COL13A1: variants seen among roughly 807,000 people sequenced by gnomAD.
COL13A1 encodes collagen alpha-1(XIII) chain.
COL13A1 carries 89 observed loss-of-function variants against 130.9 expected under a neutral mutation model. That is an observed-to-expected ratio of 0.68 (90% CI 0.57 to 0.81). The LOEUF is 0.81. Ranked by LOEUF, COL13A1 falls within the 30% of genes least tolerant of loss-of-function variation. The probability of loss-of-function intolerance (pLI) is 0.00; values close to 1 mark genes in which losing one functional copy is unlikely to be tolerated. For missense variants in COL13A1, 879 were observed against 934.6 expected (o/e 0.94, Z 0.78); for synonymous variants, 402 against 341.6 (o/e 1.18, Z -1.95).
chr10:69,840,833 G>C (rs948840523), intron 2 of COL13A1, among the ~76,000 whole-genome samples: 81 of 152,240 alleles, frequency 5.3e-4, no homozygotes, highest in Non-Finnish European at 5.9e-5. Flanking sequence ...TGAGGCTTCT[G>C]CTGGCAACAG....
intron 2 of COL13A1, among the ~76,000 whole-genome samples, chr10:69,856,109 T>C (rs1267285359): frequency 6.6e-6 from 1 of 152,226 alleles, no homozygotes; most frequent in African/African-American, 2.4e-5. Context: ...CAAATGTAGC[T>C]CTTTCACAGG....
chr10:69,951,818 G>A (rs2136311045), intron 38 of COL13A1, among the ~76,000 whole-genome samples: 1 of 152,310 alleles, frequency 6.6e-6, no homozygotes, highest in Middle Eastern at 3.4e-3. Context: ...AGCATTCAGT[G>A]TCACCCTGGA....
chr10:69,855,542 C>T (rs533806273), intron 2 of COL13A1, among the ~76,000 whole-genome samples: 3 of 152,220 alleles, frequency 2.0e-5, no homozygotes, highest in African/African-American at 7.2e-5. Flanking sequence ...TAGCTAATTA[C>T]TAATTGCTGT....
intron 2 of COL13A1, among the ~76,000 whole-genome samples, chr10:69,839,884 G>C (rs889334971): frequency 1.3e-5 from 2 of 152,224 alleles, no homozygotes; most frequent in African/African-American, 4.8e-5. Context: ...CACCCTCAAT[G>C]AGCCAGGAAG....
At chr10:69,893,078 C>T (rs939348233) in intron 10 of COL13A1, among the ~76,000 whole-genome samples, 4 of 152,194 alleles carry the variant, frequency 2.6e-5, no homozygotes, top group Non-Finnish European at 4.4e-5. Flanking sequence ...AGGCCGAGCG[C>T]GGTGGCTCAC....
In COL13A1 at chr10:69,944,183, G is replaced by A. The variant is rs1211134897; in HGVS notation, c.1968+5G>A. On this transcript the variant is annotated splice_donor_5th_base_variant and intron_variant, in intron 36 of 40. Coordinates refer to ENST00000645393, the MANE Select transcript of COL13A1 (RefSeq NM_001368882.1). The stretch of plus-strand genomic sequence containing the variant: ...GCGGGACCAAAGGGCGAGAGGGTGA[G>A]TGTCACTGAGCCAGGGGCCTGGGCG... 6.2e-7 allele frequency: 1 copy of A among 1,613,434 alleles called. No individual in the cohort carries two copies. Among genetic ancestry groups the A allele is most frequent in the Non-Finnish European group, 8.5e-7 (1 of 1,179,628 alleles).
rs199799516 is a variant in COL13A1, at chr10:69,887,491, G to A, written c.549G>A (p.Pro183=). ...GAACTAGAGGTTTCCCTGGATTTCC[G>A]GTAAGTGGAGAAGGCTGAAGTTAGC... ...QPGTRGFPGF[P]GPIGLDGKPG... is the part of the protein sequence containing the mutation. Residue 183 remains proline, a splice_region_variant and synonymous_variant, in exon 8 of 41, where the codon CCG becomes CCA. Coordinates refer to ENST00000645393, the MANE Select transcript of COL13A1 (RefSeq NM_001368882.1). 2.0e-5 allele frequency: 33 copies of A among 1,613,402 alleles called. No individual in the cohort carries two copies. The East Asian group carries it at 2.7e-4, about 13-fold the overall frequency.
chr10:69,950,006 G>T (rs2069237832), intron 38 of COL13A1, among the ~76,000 whole-genome samples: 1 of 151,910 alleles, frequency 6.6e-6, no homozygotes, highest in Non-Finnish European at 1.5e-5. Flanking sequence ...GTGCGTGTGT[G>T]TGTACGTCTC....
chr10:69,815,357 C>T (rs147600932), intron 1 of COL13A1, among the ~76,000 whole-genome samples: 266 of 152,328 alleles, frequency 1.7e-3, no homozygotes, highest in African/African-American at 5.5e-3. Context: ...CCCTTTGATA[C>T]TGATACAGGC....
At chr10:69,924,161 T>G (rs886894438) in intron 24 of COL13A1, among the ~76,000 whole-genome samples, 2 of 152,204 alleles carry the variant, frequency 1.3e-5, no homozygotes, top group Admixed American at 1.3e-4. Context: ...GTGTCCCTCA[T>G]GAGTTCACAG....
chr10:69,905,984 G>A (rs2062712444), intron 17 of COL13A1, among the ~76,000 whole-genome samples, 162 bp downstream of exon 17: 1 of 152,208 alleles, frequency 6.6e-6, no homozygotes, highest in African/African-American at 2.4e-5. Flanking sequence ...TGATAAGTGG[G>A]AGCCAAATTA....
chr10:69,839,736 T>C (rs57120967), intron 2 of COL13A1, among the ~76,000 whole-genome samples: 22,532 of 152,188 alleles, frequency 0.15, 1,723 homozygotes, highest in Non-Finnish European at 0.16. Flanking sequence ...ATGAGCTTGG[T>C]GTGTCTGAAG....
At chr10:69,845,624 C>A (rs1185341000) in intron 2 of COL13A1, among the ~76,000 whole-genome samples, 1 of 152,206 alleles carries the variant, frequency 6.6e-6, no homozygotes. Flanking sequence ...TGGGAACCAG[C>A]TTCAGGTGCC....
intron 2 of COL13A1, among the ~76,000 whole-genome samples, chr10:69,860,981 T>C (rs2133828827): frequency 6.6e-6 from 1 of 151,932 alleles, no homozygotes; most frequent in East Asian, 1.9e-4. Flanking sequence ...ACTTTAAGGT[T>C]TTGTTGGGAG....
At chr10:69,819,245 T>C (rs1415033868) in intron 1 of COL13A1, among the ~76,000 whole-genome samples, 6 of 152,244 alleles carry the variant, frequency 3.9e-5, no homozygotes, top group African/African-American at 1.4e-4. Context: ...GGCTGATTTC[T>C]AGCCTGCCTG....
intron 21 of COL13A1, among the ~76,000 whole-genome samples, chr10:69,920,579 A>G (rs1330354736): frequency 1.3e-5 from 2 of 151,952 alleles, no homozygotes; most frequent in African/African-American, 4.9e-5. Flanking sequence ...AAGGGGAAGA[A>G]AGAGAGAGAC....
rs185751752 is a variant in COL13A1, at chr10:69,887,396, G to A, written c.514-60G>A. The A allele has an allele frequency of 6.3e-3, 9,761 of 1,558,914 alleles. 35 individuals carry two copies. Among genetic ancestry groups the A allele is most frequent in the Non-Finnish European group, 7.7e-3 (8,751 of 1,136,846 alleles). The stretch of plus-strand genomic sequence containing the variant: ...GGAGCAAAGATGAACTGGAGGCCTA[G>A]GGATTGGCTCTGTCTCCTCCTTGCT... On this transcript the variant is annotated intron_variant, in intron 7 of 40. Coordinates refer to ENST00000645393, the MANE Select transcript of COL13A1 (RefSeq NM_001368882.1).
chr10:69,831,287 C>T (rs1227760), intron 2 of COL13A1, among the ~76,000 whole-genome samples: 93,389 of 151,970 alleles, frequency 0.61, 29,671 homozygotes, highest in East Asian at 0.74. Flanking sequence ...AGGACCCAGA[C>T]CCAGGGGGTC....
intron 1 of COL13A1, among the ~76,000 whole-genome samples, chr10:69,809,533 T>C (rs1182827396): frequency 1.3e-5 from 2 of 152,238 alleles, no homozygotes; most frequent in Admixed American, 6.5e-5. Flanking sequence ...AAATTTCCCA[T>C]GGTCACACAG....
Sources: allele counts gnomAD v4.1 joint callset (sites outside exome capture counted in the v4.1 genomes callset), GRCh38; gene constraint gnomAD v4.1.1; transcripts MANE v1.5; gene names NCBI Gene and HGNC (gene_info 2026-07-23, HGNC 2026-07-21).